COPG1: variants seen among roughly 807,000 people sequenced by gnomAD.
The protein encoded by COPG1 is coat protein complex I subunit gamma 1, also known as coatomer subunit gamma-1.
In COPG1, 29 loss-of-function variants were observed where a neutral mutation model predicts 102.8. That is an observed-to-expected ratio of 0.28 (90% CI 0.21 to 0.38). The LOEUF (loss-of-function observed/expected upper bound fraction) is 0.38, where lower values mean the gene tolerates loss of function less well. Among genes scored for constraint, COPG1 ranks in the 10% least tolerant of loss-of-function variants. The pLI is 1.00. For synonymous variants in COPG1, 406 were observed against 421.6 expected (o/e 0.96, Z 0.45); for missense variants, 875 against 1,132.7 (o/e 0.77, Z 3.27).
Position 129,271,655 on chromosome 3 carries a change from C to A in COPG1, c.1844-112C>A. On this transcript the variant is annotated intron_variant, in intron 18 of 23. Coordinates refer to ENST00000314797, the MANE Select transcript of COPG1 (RefSeq NM_016128.4). The surrounding 1 kb of genome is among the most constrained non-coding windows in gnomAD (Gnocchi z 4.7). ...AGCCAGTTGGGTAAACATATCTATC[C>A]ATCTAAGGTAGGGTGGAACACCTTG... is the stretch of plus-strand genomic sequence containing the variant. 1 of 1,264,890 alleles carries A rather than the reference C, an allele frequency of 7.9e-7. No homozygotes were observed. The highest frequency in any genetic ancestry group is 1.1e-6 in the Non-Finnish European group (1 of 900,956). 78.4% of individuals were successfully genotyped at this position (1,264,890 alleles called of 1,614,324 possible).
rs368711980 is a variant in COPG1 at position 129,272,317 on chromosome 3, A to G, written c.2060A>G (p.Tyr687Cys). ...VTVQMEPTEA[Y>C]EVLCYVPARS... ...GTGCAGATGGAGCCCACTGAGGCCT[A>G]TGAGGTGCTCTGTTACGTGCCTGCC... The change falls in exon 20 of 24, where the codon TAT (tyrosine) becomes TGT (cysteine). Residue 687 changes from tyrosine to cysteine, a missense_variant. Transcript: ENST00000314797. The G allele has an allele frequency of 1.5e-4, 244 of 1,613,898 alleles. 2 individuals carry two copies. The South Asian group carries it at 2.4e-3, about 16-fold the overall frequency.
In COPG1 at chr3:129,252,403, G is replaced by T. The variant is rs75128085; in HGVS notation, c.171+42G>T. On this transcript the variant is annotated intron_variant, in intron 3 of 23. Transcript: ENST00000314797. ...TGCGGGTAGGGAGAATGGTGCTGGG[G>T]GATTGGAGGGGAGTGGACAAATCAT... 310 of 1,384,526 alleles carry T rather than the reference G, an allele frequency of 2.2e-4. 1 individual carries two copies. In the East Asian group the frequency reaches 6.8e-3, roughly 30 times the overall value. The allele number at this position is 1,384,526 out of a possible 1,614,324, so 85.8% of individuals were successfully genotyped here.
Position 129,272,904 on chromosome 3 carries a change from G to T in COPG1, c.2256G>T (p.Val752=). 6.3e-7 allele frequency: 1 copy of T among 1,583,404 alleles called. No homozygotes were observed. The highest frequency in any genetic ancestry group is 8.7e-7 in the Non-Finnish European group (1 of 1,153,454). Residue 752 remains valine, a splice_region_variant and synonymous_variant, in exon 21 of 24, where the codon GTG becomes GTT. Coordinates refer to ENST00000314797, the MANE Select transcript of COPG1 (RefSeq NM_016128.4). ...TDDEGYEDEY[V]LEDLEVTVAD... is the part of the protein sequence containing the mutation. ...ACGAAGGCTATGAGGATGAGTATGT[G>T]GTAAGATCCTGGTGTCAGGAAGCTC...
Position 129,250,687 on chromosome 3 carries a change from G to T in COPG1, c.43G>T (p.Gly15Cys), listed in dbSNP as rs748374022. 13 of 1,614,038 alleles carry T rather than the reference G, an allele frequency of 8.1e-6. No homozygotes were observed. The highest frequency in any genetic ancestry group is 1.1e-5 in the Non-Finnish European group (13 of 1,179,954). The change falls in exon 2 of 24, where the codon GGC becomes TGC. Residue 15 changes from glycine (G) to cysteine (C), a missense_variant. Physicochemically the swap from Gly to Cys is radical, Grantham distance 159. Transcript: ENST00000314797. The part of the protein sequence containing the change: ...FDKKDEESGG[G>C]SNPFQHLEKS... The stretch of plus-strand genomic sequence containing the variant: ...TCCATTGTCCTTGACCGTAGGTGGA[G>T]GCTCCAACCCATTCCAGCACCTTGA...
intron 7 of COPG1, 130 bp from the exon 8 acceptor site, chr3:129,255,938 G>A: frequency 8.6e-6 from 6 of 695,534 alleles, no homozygotes; most frequent in East Asian, 5.5e-5. Context: ...TCCTGAGTTT[G>A]TCCATGGTCT....
In COPG1 at chr3:129,256,167, C is replaced by T. The variant is rs1939804845; in HGVS notation, c.579+13C>T. On this transcript the variant is annotated intron_variant, in intron 8 of 23. Transcript: ENST00000314797. The stretch of plus-strand genomic sequence containing the variant: ...CATCATGGTCCAGGTGAGATGTGAG[C>T]AAGGGAGTGATATTTAAAACACTCA... 3 of 1,610,620 alleles carry T rather than the reference C, an allele frequency of 1.9e-6. No homozygotes were observed. The highest frequency in any genetic ancestry group is 1.7e-5 in the Admixed American group (1 of 59,968).
At position 129,275,324 on chromosome 3, in the gene COPG1, G is replaced by A. The variant is rs761034603; in HGVS notation, c.2494+32G>A. 1 of 1,580,200 alleles carries A rather than the reference G, an allele frequency of 6.3e-7. No homozygotes were observed. The highest frequency in any genetic ancestry group is 8.7e-7 in the Non-Finnish European group (1 of 1,149,534). On this transcript the variant is annotated intron_variant, in intron 23 of 23. Transcript: ENST00000314797. This position sits in a 1 kb window ranked among gnomAD's most constrained non-coding sequence, Gnocchi z 5.0. ...GGCATTTCTAGATGGGGAGGGCCTG[G>A]ATAGCTTACAGCCTGGATGCCACTG...
rs2107680987 is a variant in COPG1, at chr3:129,277,384, A to C, written c.2585A>C (p.Glu862Ala). Residue 862 changes from glutamate (E) to alanine (A), a missense_variant, in exon 24 of 24, where the codon GAG becomes GCG. Coordinates refer to ENST00000314797, the MANE Select transcript of COPG1 (RefSeq NM_016128.4). ...ATGCAGGTGACAGCCAGAAGTTTGGAGGAGCTGCCAGTAGACATCATCTTG... is the reference window on the plus strand; with the variant it reads ...ATGCAGGTGACAGCCAGAAGTTTGGCGGAGCTGCCAGTAGACATCATCTTG... The part of the protein sequence containing the change: ...VTMQVTARSL[E>A]ELPVDIILAS... The C allele has an allele frequency of 6.2e-7, 1 of 1,613,946 alleles. No individual in the cohort carries two copies. The highest frequency in any genetic ancestry group is 1.1e-5 in the South Asian group (1 of 91,072).
At chr3:129,255,666 A>G (rs1939795338) in intron 7 of COPG1, among the ~76,000 whole-genome samples, 1 of 150,036 alleles carries the variant, frequency 6.7e-6, no homozygotes, top group African/African-American at 2.5e-5. Flanking sequence ...TATTTTTGGT[A>G]GAGACGTAGT....
chr3:129,275,448 C>T lies in COPG1; in HGVS notation c.2494+156C>T, dbSNP rs1940249140. Among the ~76,000 whole-genome samples, 3 of 152,224 alleles carry T rather than the reference C, an allele frequency of 2.0e-5. No homozygotes were observed. Among genetic ancestry groups the T allele is most frequent in the African/African-American group, 4.8e-5 (2 of 41,450 alleles). On this transcript the variant is annotated intron_variant, in intron 23 of 23. Transcript: ENST00000314797. This position sits in a 1 kb window ranked among gnomAD's most constrained non-coding sequence, Gnocchi z 5.0. ...AATAATCTGCAGCGAAATGTTTCCTCCCTACCTTGGCTGCCAGCCATTCAG... is the reference window on the plus strand; with the variant it reads ...AATAATCTGCAGCGAAATGTTTCCTTCCTACCTTGGCTGCCAGCCATTCAG...
At chr3:129,263,066 C>G (rs1316108676) in intron 12 of COPG1, among the ~76,000 whole-genome samples, 1 of 145,134 alleles carries the variant, frequency 6.9e-6, no homozygotes, top group Non-Finnish European at 1.5e-5. Context: ...GGAGGGGTGA[C>G]TGGGTAAAGA....
At chr3:129,249,831 C>T in intron 1 of COPG1, 85 bp downstream of exon 1, 1 of 1,438,666 alleles carries the variant, frequency 7.0e-7, no homozygotes, top group Non-Finnish European at 9.5e-7. Context: ...GACCCGGAGG[C>T]TGAGGCCCAG....
intron 23 of COPG1, among the ~76,000 whole-genome samples, chr3:129,277,039 G>T (rs547645276): frequency 6.6e-6 from 1 of 152,012 alleles, no homozygotes; most frequent in East Asian, 1.9e-4. Flanking sequence ...GGCCAGGCTG[G>T]TCTCGAATTC....
intron 18 of COPG1, 28 bp downstream of exon 18, chr3:129,269,028 G>C: frequency 6.2e-7 from 1 of 1,603,420 alleles, no homozygotes; most frequent in Non-Finnish European, 8.5e-7. Context: ...GGGGATGCTT[G>C]GGACCTGGGC....
At position 129,272,394 on chromosome 3, in the gene COPG1, C is replaced by A. The variant is rs748416226; in HGVS notation, c.2137C>A (p.Pro713Thr). 2 of 1,613,814 alleles carry A rather than the reference C, an allele frequency of 1.2e-6. No homozygotes were observed. Among genetic ancestry groups the A allele is most frequent in the Non-Finnish European group, 1.7e-6 (2 of 1,179,858 alleles). The change falls in exon 20 of 24, where the codon CCC becomes ACC. Residue 713 changes from proline (P) to threonine (T), a missense_variant. Transcript: ENST00000314797. Reference sequence around the variant, plus strand: ...GACCTGCTACACACTGGTGGCACTGCCCAAAGAAGACCCCACAGCTGGTGA... The same window carrying A: ...GACCTGCTACACACTGGTGGCACTGACCAAAGAAGACCCCACAGCTGGTGA... ...PGTCYTLVAL[P>T]KEDPTAVACT...
chr3:129,267,581 C>T (rs1316601389), intron 15 of COPG1, among the ~76,000 whole-genome samples: 1 of 152,090 alleles, frequency 6.6e-6, no homozygotes, highest in Non-Finnish European at 1.5e-5. Flanking sequence ...AGATCATGCC[C>T]CGCATTCCAG....
In COPG1 at chr3:129,267,961, A is replaced by T; in HGVS notation, c.1569A>T (p.Glu523Asp). 1.2e-6 allele frequency: 2 copies of T among 1,614,088 alleles called. No homozygotes were observed. The highest frequency in any genetic ancestry group is 1.7e-6 in the Non-Finnish European group (2 of 1,179,988). Residue 523 changes from glutamate to aspartate, a missense_variant, in exon 16 of 24, where the codon GAA becomes GAT. Transcript: ENST00000314797. ...LKRCVMDDDN[E>D]VRDRATFYLN... ...GGTGTGTGATGGATGATGACAATGA[A>T]GTAAGGGACCGAGCCACCTTCTACC...
intron 8 of COPG1, among the ~76,000 whole-genome samples, chr3:129,256,576 T>C (rs1159510316): frequency 6.6e-6 from 1 of 152,250 alleles, no homozygotes; most frequent in African/African-American, 2.4e-5. Context: ...GTTCCTTTTA[T>C]CTCTCTGGCT....
At chr3:129,263,314 G>A (rs558079955) in intron 12 of COPG1, among the ~76,000 whole-genome samples, 2 of 152,212 alleles carry the variant, frequency 1.3e-5, no homozygotes, top group African/African-American at 4.8e-5. Context: ...GGAAGGAGAT[G>A]GAGATGTTTG....
Sources: gnomAD v4.1 joint callset for allele counts (sites outside exome capture counted in the v4.1 genomes callset) on GRCh38, gnomAD v4.1.1 for gene constraint, Gnocchi (gnomAD v3.1) non-coding constraint, MANE v1.5 for transcripts, NCBI Gene and HGNC (gene_info 2026-07-23, HGNC 2026-07-21) for gene names.